Variants in SUPT3H observed in about 807,000 individuals in gnomAD.
The protein encoded by SUPT3H is transcription initiation protein SPT3 homolog.
In SUPT3H, 44 loss-of-function variants were observed where a neutral mutation model predicts 44.3. The observed-to-expected ratio is 0.99, with a 90% confidence interval of 0.78 to 1.28. The LOEUF is 1.28. SUPT3H is among the 50% of genes most tolerant of loss of function. The pLI, the probability that SUPT3H is intolerant of heterozygous loss-of-function variation, is 0.00. For missense variants in SUPT3H, 380 were observed against 387.1 expected, an observed-to-expected ratio of 0.98 and a Z score of 0.15; for synonymous variants, 124 against 125.6, an observed-to-expected ratio of 0.99 and a Z score of 0.09.
At chr6:44,833,613 A>G (rs935571602) in intron 10 of SUPT3H, among the ~76,000 whole-genome samples, 18 of 152,276 alleles carry the variant, frequency 1.2e-4, no homozygotes, top group African/African-American at 4.1e-4. Flanking sequence ...AAAGATTAAA[A>G]AATGCTGAGA....
chr6:45,094,568 T>C (rs1408295532), intron 3 of SUPT3H, among the ~76,000 whole-genome samples: 1 of 152,138 alleles, frequency 6.6e-6, no homozygotes, highest in Non-Finnish European at 1.5e-5. Flanking sequence ...ATCCTCTGTG[T>C]CATGCCTTTA....
At chr6:45,288,928 G>C (rs1376578535) in intron 2 of SUPT3H, among the ~76,000 whole-genome samples, 1 of 151,808 alleles carries the variant, frequency 6.6e-6, no homozygotes, top group Non-Finnish European at 1.5e-5. Context: ...CATGAGACGA[G>C]GTCCTATATA....
chr6:45,078,658 C>A (rs1039379170), intron 3 of SUPT3H, among the ~76,000 whole-genome samples: 2 of 152,114 alleles, frequency 1.3e-5, no homozygotes, highest in African/African-American at 2.4e-5. Flanking sequence ...TCTTTCATTT[C>A]GAAAGGAGAG....
chr6:44,981,370 T>C (rs945166649), intron 6 of SUPT3H, among the ~76,000 whole-genome samples: 1 of 152,090 alleles, frequency 6.6e-6, no homozygotes, highest in Non-Finnish European at 1.5e-5. Flanking sequence ...GAGAGAGATA[T>C]GAATAAAGCA....
chr6:45,119,820 A>G (rs1342013082), intron 2 of SUPT3H, among the ~76,000 whole-genome samples: 1 of 152,324 alleles, frequency 6.6e-6, no homozygotes, highest in Non-Finnish European at 1.5e-5. Context: ...AAAATATTCA[A>G]AAAGGAACCA....
intron 2 of SUPT3H, among the ~76,000 whole-genome samples, chr6:45,251,296 T>C (rs1215024803): frequency 6.6e-6 from 1 of 152,174 alleles, no homozygotes; most frequent in Non-Finnish European, 1.5e-5. Flanking sequence ...ATTTATGTTA[T>C]GTATATTCTT....
intron 4 of SUPT3H, among the ~76,000 whole-genome samples, chr6:45,015,166 C>T (rs572262430): frequency 2.0e-5 from 3 of 152,066 alleles, no homozygotes; most frequent in Admixed American, 6.6e-5. Flanking sequence ...CTAAGAAATG[C>T]CTCCTCAGGA....
chr6:45,292,625 C>T (rs1200349354), intron 2 of SUPT3H, among the ~76,000 whole-genome samples: 4 of 151,138 alleles, frequency 2.6e-5, no homozygotes, highest in South Asian at 2.1e-4. Context: ...AAACTTAAGG[C>T]AGAGGGGTGG....
intron 2 of SUPT3H, among the ~76,000 whole-genome samples, chr6:45,161,364 T>A (rs1808934603): frequency 6.6e-6 from 1 of 152,106 alleles, no homozygotes; most frequent in African/African-American, 2.4e-5. Context: ...CACAGCCACA[T>A]TATAAACTTT....
intron 2 of SUPT3H, among the ~76,000 whole-genome samples, chr6:45,213,851 A>T (rs1284983862): frequency 6.6e-6 from 1 of 152,040 alleles, no homozygotes; most frequent in South Asian, 2.1e-4. Context: ...TAAACAGAAG[A>T]TAAAAATTCT....
downstream of SUPT3H, among the ~76,000 whole-genome samples, chr6:44,823,774 C>T (rs1263082836): frequency 6.6e-6 from 1 of 152,072 alleles, no homozygotes; most frequent in Non-Finnish European, 1.5e-5. Flanking sequence ...CCAACCTGGC[C>T]AACATAGTGA....
intron 9 of SUPT3H, among the ~76,000 whole-genome samples, chr6:44,947,630 G>A (rs1286570880): frequency 6.6e-6 from 1 of 151,948 alleles, no homozygotes; most frequent in African/African-American, 2.4e-5. Context: ...AACACAGCAT[G>A]TCCATATTAA....
At chr6:45,158,412 T>G (rs573008377) in intron 2 of SUPT3H, among the ~76,000 whole-genome samples, 2 of 149,454 alleles carry the variant, frequency 1.3e-5, no homozygotes, top group South Asian at 4.2e-4. Context: ...CTTGATAAAC[T>G]GTAGTGTCCA....
At chr6:45,148,190 T>C (rs1380234448) in intron 2 of SUPT3H, among the ~76,000 whole-genome samples, 1 of 152,030 alleles carries the variant, frequency 6.6e-6, no homozygotes, top group Non-Finnish European at 1.5e-5. Context: ...TAAATAGGAG[T>C]TATAGAAAAT....
chr6:44,968,226 G>T (rs115928055), intron 6 of SUPT3H, among the ~76,000 whole-genome samples: 2,057 of 152,218 alleles, frequency 0.014, 49 homozygotes, highest in African/African-American at 0.047. Context: ...TGTTCAATAG[G>T]CATTGGTTGT....
At chr6:45,278,088 A>G (rs1240099141) in intron 2 of SUPT3H, among the ~76,000 whole-genome samples, 1 of 143,576 alleles carries the variant, frequency 7.0e-6, no homozygotes, top group Non-Finnish European at 1.5e-5. Flanking sequence ...ACACATGGAC[A>G]CAGCGAGGGG....
intron 2 of SUPT3H, chr6:45,159,499 C>G (rs1808587115): frequency 6.6e-6 from 1 of 152,128 alleles, no homozygotes; most frequent in African/African-American, 2.4e-5. Flanking sequence ...CATCAATAGC[C>G]TCACCCAATA....
At chr6:45,242,961 G>A (rs964029257) in intron 2 of SUPT3H, among the ~76,000 whole-genome samples, 29 of 152,094 alleles carry the variant, frequency 1.9e-4, no homozygotes, top group African/African-American at 3.6e-4. Flanking sequence ...TTGGGAGGCC[G>A]AGGAGTGTGG....
At chr6:44,964,374 A>G (rs1203814182) in intron 6 of SUPT3H, among the ~76,000 whole-genome samples, 6 of 152,176 alleles carry the variant, frequency 3.9e-5, no homozygotes, top group Non-Finnish European at 8.8e-5. Flanking sequence ...TAACTATGGA[A>G]AAAGAATGTT....
Sources: gnomAD v4.1 joint callset for allele counts (sites outside exome capture counted in the v4.1 genomes callset) on GRCh38, gnomAD v4.1.1 for gene constraint, MANE v1.5 for transcripts, NCBI Gene and HGNC (gene_info 2026-07-23, HGNC 2026-07-21) for gene names.